Variants in SH2D4A observed in about 807,000 individuals in gnomAD.
SH2D4A encodes the protein SH2 domain-containing protein 4A.
In SH2D4A, 70 loss-of-function variants were observed where a neutral mutation model predicts 64.7. That is an observed-to-expected ratio of 1.08 (90% CI 0.89 to 1.32). The LOEUF (loss-of-function observed/expected upper bound fraction) is 1.32. Among genes scored for constraint, SH2D4A ranks in the 40% most tolerant of loss-of-function variants. The pLI, the probability that SH2D4A is intolerant of heterozygous loss-of-function variation, is 0.00. For missense variants in SH2D4A, 706 were observed against 540.1 expected (o/e 1.31, Z -3.04); for synonymous variants, 268 against 200.7 (o/e 1.34, Z -2.83).
chr8:19,381,508 T>A (rs965022863), intron 8 of SH2D4A, among the ~76,000 whole-genome samples: 1 of 152,250 alleles, frequency 6.6e-6, no homozygotes. Context: ...GTGTTGTCTG[T>A]GTATCCTGCC....
intron 4 of SH2D4A, among the ~76,000 whole-genome samples, chr8:19,340,462 A>T (rs561570207): frequency 6.6e-6 from 1 of 152,216 alleles, no homozygotes; most frequent in South Asian, 2.1e-4. Flanking sequence ...TGTCATCAGG[A>T]TGGACAGGCG....
chr8:19,391,508 C>A lies in SH2D4A; in HGVS notation c.1049-1810C>A, dbSNP rs150430526. Among the ~76,000 whole-genome samples the A allele has an allele frequency of 4.8e-3, 735 of 152,146 alleles. 6 individuals are homozygous for A. Among genetic ancestry groups the A allele is most frequent in the African/African-American group, 0.017 (715 of 41,510 alleles). On this transcript the variant is annotated intron_variant, in intron 8 of 9. Coordinates refer to ENST00000265807, the MANE Select transcript of SH2D4A (RefSeq NM_022071.4). ...GAGCCACTGCCCCTAGGAGCAAGGC[C>A]CTGGTCTGTTTCGAGGATGTTGACT...
chr8:19,362,227 G>C (rs73601141), intron 6 of SH2D4A, among the ~76,000 whole-genome samples: 3,912 of 152,228 alleles, frequency 0.026, 150 homozygotes, highest in African/African-American at 0.088. Flanking sequence ...GATCCAGTAG[G>C]CTCTTTGTAC....
rs775612598 is a variant in SH2D4A, at chr8:19,334,809, G to T, written c.465G>T (p.Leu155=). 2 of 1,613,994 alleles carry T rather than the reference G, an allele frequency of 1.2e-6. No individual in the cohort carries two copies. ...IWKKVAEKEE[L]EQGSRPAPTL... ...AGAAAGTGGCAGAAAAGGAGGAACTGGAGCAAGGATCGAGGCCAGCACCAA... is the reference window on the plus strand; with the variant it reads ...AGAAAGTGGCAGAAAAGGAGGAACTTGAGCAAGGATCGAGGCCAGCACCAA... Residue 155 remains leucine, a synonymous_variant, in exon 4 of 10, where the codon CTG becomes CTT. Coordinates refer to ENST00000265807, the MANE Select transcript of SH2D4A (RefSeq NM_022071.4).
chr8:19,364,279 T>G lies in SH2D4A; in HGVS notation c.914T>G (p.Leu305Arg), dbSNP rs1354308516. ...LNSGAYPQKP[L>R]RNQGVVRTLS... is the part of the protein sequence containing the mutation. ...TCAGGGGCATATCCTCAAAAACCTC[T>G]TAGGTAAGAAGCCACACAGATGGGT... The change falls in exon 7 of 10, where the codon CTT becomes CGT. Residue 305 changes from leucine to arginine, a missense_variant. Leu to Arg is a moderately radical substitution (Grantham distance 102). Coordinates refer to ENST00000265807, the MANE Select transcript of SH2D4A (RefSeq NM_022071.4). 13 of 1,613,846 alleles carry G rather than the reference T, an allele frequency of 8.1e-6. No individual in the cohort carries two copies. Among genetic ancestry groups the G allele is most frequent in the Non-Finnish European group, 1.1e-5 (13 of 1,179,896 alleles).
At chr8:19,319,250 T>C in intron 1 of SH2D4A, 94 bp from the exon 2 acceptor site, 1 of 952,140 alleles carries the variant, frequency 1.1e-6, no homozygotes, top group Middle Eastern at 4.5e-4. Context: ...AAAGTGATAC[T>C]GTGTTTCCTC....
At chr8:19,370,099 A>G (rs1369572006) in intron 7 of SH2D4A, among the ~76,000 whole-genome samples, 2 of 151,996 alleles carry the variant, frequency 1.3e-5, no homozygotes, top group Admixed American at 6.6e-5. Flanking sequence ...ATTTCCACAT[A>G]TTTGTTTCTA....
At chr8:19,388,637 T>G (rs1199622691) in intron 8 of SH2D4A, among the ~76,000 whole-genome samples, 2 of 152,224 alleles carry the variant, frequency 1.3e-5, no homozygotes, top group African/African-American at 2.4e-5. Flanking sequence ...CACAGGAAGT[T>G]GTACAGATGT....
intron 4 of SH2D4A, among the ~76,000 whole-genome samples, chr8:19,347,881 A>T (rs2052636782): frequency 6.6e-6 from 1 of 152,172 alleles, no homozygotes; most frequent in African/African-American, 2.4e-5. Flanking sequence ...CTCCACCTCC[A>T]CCACACAGGC....
chr8:19,317,266 AAAAAGTC>A (rs2052104213), intron 1 of SH2D4A, among the ~76,000 whole-genome samples: 1 of 151,876 alleles, frequency 6.6e-6, no homozygotes. Flanking sequence ...TGCTAGAAAC[AAAAAGTC>A]AAAAGTCAAG....
intron 1 of SH2D4A, among the ~76,000 whole-genome samples, chr8:19,316,305 T>C (rs2052087354): frequency 6.6e-6 from 1 of 152,154 alleles, no homozygotes; most frequent in South Asian, 2.1e-4. Flanking sequence ...CTATAAAAAG[T>C]AAAACAAAAC....
Position 19,319,562 on chromosome 8 carries a change from A to T in SH2D4A, c.15A>T (p.Ile5=), listed in dbSNP as rs772528148. Residue 5 remains isoleucine (I), a synonymous_variant, in exon 2 of 10, where the codon ATA becomes ATT. Coordinates refer to ENST00000265807, the MANE Select transcript of SH2D4A (RefSeq NM_022071.4). The part of the protein sequence containing the change: MLKQ[I]LSEMYIDPDL... ...GAAGTGCAAAGATGCTGAAACAGAT[A>T]CTGTCGGAGATGTACATAGATCCTG... 1 of 1,551,392 alleles carries T rather than the reference A, an allele frequency of 6.4e-7. No homozygotes were observed.
intron 3 of SH2D4A, among the ~76,000 whole-genome samples, chr8:19,334,445 A>G (rs1442043821): frequency 6.6e-6 from 1 of 152,162 alleles, no homozygotes; most frequent in African/African-American, 2.4e-5. Flanking sequence ...TCTTGGATGA[A>G]TTACAAAATT....
Position 19,357,290 on chromosome 8 carries a change from G to T in SH2D4A, c.594+7G>T, listed in dbSNP as rs781098141. 8 of 1,606,084 alleles carry T rather than the reference G, an allele frequency of 5.0e-6. No homozygotes were observed. The South Asian group carries it at 5.5e-5, about 11-fold the overall frequency. On this transcript the variant is annotated splice_region_variant and intron_variant, in intron 5 of 9. Coordinates refer to ENST00000265807, the MANE Select transcript of SH2D4A (RefSeq NM_022071.4). Reference sequence around the variant, plus strand: ...GGCATATGCATTTCACCAGGTAAAAGACTTCCCTTCTGTCCTCCGGGGGCT... The same window carrying T: ...GGCATATGCATTTCACCAGGTAAAATACTTCCCTTCTGTCCTCCGGGGGCT...
intron 1 of SH2D4A, chr8:19,314,202 C>A: frequency 1.4e-6 from 1 of 711,950 alleles, no homozygotes; most frequent in Non-Finnish European, 1.8e-6. Context: ...ACACGCGGCG[C>A]GTGCTTCCAC....
chr8:19,334,542 AG>A (rs571822934), intron 3 of SH2D4A, 143 bp from the exon 4 acceptor site: 1 of 796,210 alleles, frequency 1.3e-6, no homozygotes, highest in Non-Finnish European at 1.9e-6. Context: ...TTACACACCT[AG>A]CAAAGGGCCC....
intron 8 of SH2D4A, among the ~76,000 whole-genome samples, chr8:19,382,552 T>C (rs1459010542): frequency 1.3e-5 from 2 of 152,178 alleles, no homozygotes; most frequent in African/African-American, 4.8e-5. Context: ...TAGGGTAATG[T>C]AAATATTCTG....
chr8:19,394,102 C>A (rs545075072), intron 9 of SH2D4A, among the ~76,000 whole-genome samples: 1 of 152,284 alleles, frequency 6.6e-6, no homozygotes, highest in South Asian at 2.1e-4. Context: ...AAGGAGCGCA[C>A]AACTGAGATC....
At chr8:19,360,131 C>A (rs2052857383) in intron 5 of SH2D4A, among the ~76,000 whole-genome samples, 1 of 152,112 alleles carries the variant, frequency 6.6e-6, no homozygotes, top group Non-Finnish European at 1.5e-5. Flanking sequence ...GTTGAATGCT[C>A]TTAATGCCAG....
Sources: gnomAD v4.1 joint callset for allele counts (sites outside exome capture counted in the v4.1 genomes callset) on GRCh38, gnomAD v4.1.1 for gene constraint, MANE v1.5 for transcripts, NCBI Gene and HGNC (gene_info 2026-07-23, HGNC 2026-07-21) for gene names.